Variants in KCNJ5 observed in about 807,000 individuals in gnomAD.
KCNJ5 encodes the protein potassium inwardly rectifying channel subfamily J member 5.
Under a neutral mutation model 20.2 loss-of-function variants are expected in KCNJ5, and 12 were observed. The observed-to-expected ratio is 0.59, with a 90% CI of 0.38 to 0.96. KCNJ5 has a LOEUF of 0.96. Ranked by LOEUF, KCNJ5 falls within the 40% of genes least tolerant of loss-of-function variation. The pLI is 0.00. For missense variants in KCNJ5, 449 were observed against 557.6 expected (o/e 0.81, Z 1.96); for synonymous variants, 210 against 213.9 (o/e 0.98, Z 0.16).
At position 128,894,538 on chromosome 11, in the gene KCNJ5, C is replaced by T. The variant is rs146713462; in HGVS notation, c.-11+2817C>T. 3.4e-4 allele frequency among the ~76,000 whole-genome samples: 52 copies of T among 152,150 alleles called. 1 individual carries two copies. In the East Asian group the frequency reaches 7.3e-3, roughly 21 times the overall value. On this transcript the variant is annotated intron_variant, in intron 1 of 2. Transcript: ENST00000529694. ...TAACTGTTAAGATAGTCGTCAGCCA[C>T]GAAGGAATCTTTCTGTGTTTTGTTT...
At chr11:128,912,308 C>G in intron 2 of KCNJ5, 98 bp downstream of exon 2, 1 of 983,792 alleles carries the variant, frequency 1.0e-6, no homozygotes, top group East Asian at 2.4e-5. Context: ...GCCTGAGAGT[C>G]CTGGGGTGGC....
chr11:128,911,202 C>A lies in KCNJ5; in HGVS notation c.-10-62C>A. 1 of 1,399,598 alleles carries A rather than the reference C, an allele frequency of 7.1e-7. No individual in the cohort carries two copies. Among genetic ancestry groups the A allele is most frequent in the Non-Finnish European group, 1.0e-6 (1 of 989,256 alleles). The allele number at this position is 1,399,598 out of a possible 1,614,324, so 86.7% of individuals were successfully genotyped here. A position where few individuals can be genotyped will look rare whatever the true frequency, so the allele number is the denominator to read the frequency against. ...GAGCCCCGGGGTGGGGGTGGCCTTC[C>A]ATCTTGTGTTCTAGTGAATCAGAAC... On this transcript the variant is annotated intron_variant, in intron 1 of 2. Transcript: ENST00000529694. The surrounding 1 kb of genome is among the most constrained non-coding windows in gnomAD (Gnocchi z 6.3).
In KCNJ5 at chr11:128,918,975, AG is replaced by A. The variant is rs148210674; in HGVS notation, c.*2245del. 42,929 of 152,176 alleles carry A rather than the reference AG, an allele frequency of 0.28. 6,999 individuals carry two copies. Among genetic ancestry groups the A allele is most frequent in the South Asian group, 0.54 (2,593 of 4,828 alleles). 9.4% of individuals were successfully genotyped at this position (152,176 alleles called of 1,614,324 possible). A position where few individuals can be genotyped will look rare whatever the true frequency, so the allele number is the denominator to read the frequency against. ...ATGCCCCCAGGAGTCTCAGAAAGGC[AG>A]CCCATCACTAAGGCTGGATGCCTTT... On this transcript the variant is annotated 3_prime_UTR_variant, in exon 3 of 3. Transcript: ENST00000529694.
Position 128,902,289 on chromosome 11 carries a change from G to A in KCNJ5, c.-10-8975G>A, listed in dbSNP as rs570993623. 4.5e-5 allele frequency: 24 copies of A among 528,738 alleles called. No homozygotes were observed. In the East Asian group the frequency reaches 5.8e-4, roughly 13 times the overall value. The allele number at this position is 528,738 out of a possible 1,614,324, so 32.8% of individuals were successfully genotyped here. Reference sequence around the variant, plus strand: ...ACCAGCTCAGGAGGCCACCTGATCCGCCCTCCTGTCCCTCCAGCCCTCCTC... The same window carrying A: ...ACCAGCTCAGGAGGCCACCTGATCCACCCTCCTGTCCCTCCAGCCCTCCTC... On this transcript the variant is annotated intron_variant, in intron 1 of 2. Coordinates refer to ENST00000529694, the MANE Select transcript of KCNJ5 (RefSeq NM_000890.5).
At chr11:128,906,269 A>G (rs1443624278) in intron 1 of KCNJ5, among the ~76,000 whole-genome samples, 4 of 152,380 alleles carry the variant, frequency 2.6e-5, no homozygotes, top group East Asian at 1.9e-4. Flanking sequence ...CAGGCAAAAT[A>G]GGAACCTAGG....
In KCNJ5 at chr11:128,917,621, T is replaced by A. The variant is rs1237178555; in HGVS notation, c.*890T>A. 6.6e-6 allele frequency: 1 copy of A among 151,982 alleles called. No individual in the cohort carries two copies. Among genetic ancestry groups the A allele is most frequent in the Non-Finnish European group, 1.5e-5 (1 of 68,176 alleles). 9.4% of individuals were successfully genotyped at this position (151,982 alleles called of 1,614,324 possible). A position where few individuals can be genotyped will look rare whatever the true frequency, so the allele number is the denominator to read the frequency against. The stretch of plus-strand genomic sequence containing the variant: ...TGTTTTGTTTTGTTTTGTTTTGTTT[T>A]GTTTTGTTTTGTTTTTTTCACAATC... On this transcript the variant is annotated 3_prime_UTR_variant, in exon 3 of 3. Coordinates refer to ENST00000529694, the MANE Select transcript of KCNJ5 (RefSeq NM_000890.5).
At chr11:128,900,940 G>C (rs1015715621) in intron 1 of KCNJ5, 1 of 152,144 alleles carries the variant, frequency 6.6e-6, no homozygotes, top group Admixed American at 6.5e-5. Flanking sequence ...AATCCAGGGG[G>C]GCCAAGTACA....
intron 1 of KCNJ5, among the ~76,000 whole-genome samples, chr11:128,908,985 C>T (rs529345204): frequency 6.6e-6 from 1 of 152,224 alleles, no homozygotes; most frequent in Non-Finnish European, 1.5e-5. Flanking sequence ...CAAGCATTTT[C>T]CTCCTTGTCT....
chr11:128,911,376 A>G lies in KCNJ5; in HGVS notation c.103A>G (p.Ile35Val), dbSNP rs752900890. The change falls in exon 2 of 3, where the codon ATT (isoleucine) becomes GTT (valine). Residue 35 changes from isoleucine (I) to valine (V), a missense_variant. By Grantham distance (29) the Ile-to-Val change is conservative (BLOSUM62 3). Coordinates refer to ENST00000529694, the MANE Select transcript of KCNJ5 (RefSeq NM_000890.5). This position sits in a 1 kb window ranked among gnomAD's most constrained non-coding sequence, Gnocchi z 6.3. ...IPKQARDYVP[I>V]ATDRTRLLAE... The stretch of plus-strand genomic sequence containing the variant: ...AAAACAGGCCCGCGATTATGTCCCC[A>G]TTGCCACAGACCGTACGCGCCTGCT... 7 of 1,614,066 alleles carry G rather than the reference A, an allele frequency of 4.3e-6. No individual in the cohort carries two copies. In the Admixed American group the frequency reaches 5.0e-5, roughly 12 times the overall value.
Position 128,911,400 on chromosome 11 carries a change from C to G in KCNJ5, c.127C>G (p.Leu43Val). The change falls in exon 2 of 3, where the codon CTG becomes GTG. Residue 43 changes from leucine (L) to valine (V), a missense_variant. Leu to Val is a conservative substitution (Grantham distance 32). Transcript: ENST00000529694. The surrounding 1 kb of genome is among the most constrained non-coding windows in gnomAD (Gnocchi z 6.3). ...CATTGCCACAGACCGTACGCGCCTG[C>G]TGGCCGAGGGCAAGAAGCCACGCCA... The part of the protein sequence containing the change: ...VPIATDRTRL[L>V]AEGKKPRQRY... 4 of 1,614,220 alleles carry G rather than the reference C, an allele frequency of 2.5e-6. No homozygotes were observed. The highest frequency in any genetic ancestry group is 3.4e-6 in the Non-Finnish European group (4 of 1,180,040).
Position 128,912,219 on chromosome 11 carries a change from C to T in KCNJ5, c.937+9C>T, listed in dbSNP as rs781582486. 3 of 1,595,408 alleles carry T rather than the reference C, an allele frequency of 1.9e-6. No homozygotes were observed. In the Admixed American group the frequency reaches 5.0e-5, roughly 27 times the overall value. On this transcript the variant is annotated intron_variant, in intron 2 of 2. Transcript: ENST00000529694. Reference sequence around the variant, plus strand: ...GATGGTGGAAGCCACAGGTAAGGCGCTTTGTCCTCCTCAGCCACAGGTGGC... The same window carrying T: ...GATGGTGGAAGCCACAGGTAAGGCGTTTTGTCCTCCTCAGCCACAGGTGGC...
intron 1 of KCNJ5, chr11:128,902,756 A>C: frequency 6.4e-7 from 1 of 1,558,816 alleles, no homozygotes; most frequent in Non-Finnish European, 8.7e-7. Context: ...ATTCAGTGGC[A>C]CTACCACAAC....
At chr11:128,903,857 G>A (rs1043816625) in intron 1 of KCNJ5, among the ~76,000 whole-genome samples, 17 of 152,072 alleles carry the variant, frequency 1.1e-4, no homozygotes, top group African/African-American at 3.1e-4. Context: ...TGTGCACAGC[G>A]GACCACATGG....
At position 128,902,669 on chromosome 11, in the gene KCNJ5, T is replaced by G. The variant is rs146427891; in HGVS notation, c.-10-8595T>G. 5.6e-6 allele frequency: 9 copies of G among 1,613,856 alleles called. No individual in the cohort carries two copies. In the African/African-American group the frequency reaches 9.3e-5, roughly 17 times the overall value. ...GTTCTCCTCTTCCTGCCGGGCCGCCTGCCTTTGTTGTCCTGAGGACTGACA... is the reference window on the plus strand; with the variant it reads ...GTTCTCCTCTTCCTGCCGGGCCGCCGGCCTTTGTTGTCCTGAGGACTGACA... On this transcript the variant is annotated intron_variant, in intron 1 of 2. Coordinates refer to ENST00000529694, the MANE Select transcript of KCNJ5 (RefSeq NM_000890.5).
rs868254202 is a variant in KCNJ5, at chr11:128,921,083, T to C, written c.*4352T>C. The C allele has an allele frequency of 6.6e-6, 1 of 152,242 alleles. No homozygotes were observed. The highest frequency in any genetic ancestry group is 2.4e-5 in the African/African-American group (1 of 41,462). The allele number at this position is 152,242 out of a possible 1,614,324, so 9.4% of individuals were successfully genotyped here. ...CAAATCTTTTTCTCCCTGTGTAGGATTCATCAATCTTCGTATGCAAAAGAA... is the reference window on the plus strand; with the variant it reads ...CAAATCTTTTTCTCCCTGTGTAGGACTCATCAATCTTCGTATGCAAAAGAA... On this transcript the variant is annotated 3_prime_UTR_variant, in exon 3 of 3. Transcript: ENST00000529694.
intron 1 of KCNJ5, chr11:128,903,599 T>C: frequency 1.4e-6 from 2 of 1,446,806 alleles, no homozygotes; most frequent in Non-Finnish European, 1.9e-6. Context: ...GCGGGGGCCG[T>C]TGTCCAAGCA....
chr11:128,896,732 C>A (rs1944183470), intron 1 of KCNJ5, among the ~76,000 whole-genome samples: 1 of 151,968 alleles, frequency 6.6e-6, no homozygotes, highest in Non-Finnish European at 1.5e-5. Context: ...TGAATGACAT[C>A]TGGGATGTTT....
chr11:128,892,420 C>G (rs1277077989), intron 1 of KCNJ5, among the ~76,000 whole-genome samples: 1 of 152,174 alleles, frequency 6.6e-6, no homozygotes, highest in African/African-American at 2.4e-5. Context: ...AAACAGGGCT[C>G]TCCAACCCCA....
intron 1 of KCNJ5, chr11:128,901,862 T>G (rs1163677815): frequency 1.3e-5 from 2 of 152,752 alleles, no homozygotes; most frequent in African/African-American, 4.8e-5. Context: ...GCAGAGTGCT[T>G]AACAGCTTGG....
Sources: gnomAD v4.1 joint callset for allele counts (sites outside exome capture counted in the v4.1 genomes callset) on GRCh38, gnomAD v4.1.1 for gene constraint, Gnocchi (gnomAD v3.1) non-coding constraint, MANE v1.5 for transcripts, NCBI Gene and HGNC (gene_info 2026-07-23, HGNC 2026-07-21) for gene names.